The following SLC35A1 variants were observed in gnomAD, a reference collection of about 807,000 sequenced individuals.
SLC35A1 encodes solute carrier family 35 member A1.
A neutral mutation model predicts 40.3 loss-of-function variants in SLC35A1; 21 were observed. That is an observed-to-expected ratio of 0.52 (90% confidence interval 0.37 to 0.75). The LOEUF is 0.75. SLC35A1 is among the 30% of genes least tolerant of loss of function. The pLI is 0.00. For missense variants in SLC35A1, 297 were observed against 382.1 expected (o/e 0.78, Z 1.86); for synonymous variants, 146 against 147.3 (o/e 0.99, Z 0.06).
At chr6:87,486,090 A>G (rs1769381098) in intron 2 of SLC35A1, among the ~76,000 whole-genome samples, 1 of 152,220 alleles carries the variant, frequency 6.6e-6, no homozygotes, top group African/African-American at 2.4e-5. Flanking sequence ...GGAACTGTGC[A>G]AAGCTTAATC....
In SLC35A1 at chr6:87,474,757, A is replaced by G. The variant is rs1376873194; in HGVS notation, c.16+1738A>G. ...CGTTTAAAAACTGGTATTCCATGTC[A>G]AAGCCCAATCTGTTTTGCACATACC... On this transcript the variant is annotated intron_variant, in intron 1 of 7. Coordinates refer to ENST00000369552, the MANE Select transcript of SLC35A1 (RefSeq NM_006416.5). 2.6e-5 allele frequency among the ~76,000 whole-genome samples: 4 copies of G among 152,218 alleles called. No homozygotes were observed. The South Asian group carries it at 8.3e-4, about 32-fold the overall frequency.
chr6:87,509,314 C>G, intron 7 of SLC35A1, 139 bp downstream of exon 7: 1 of 1,085,336 alleles, frequency 9.2e-7, no homozygotes, highest in Admixed American at 1.8e-5. Context: ...TTTATTCCAC[C>G]AGTACAGCTG....
chr6:87,496,693 T>C (rs540621870), intron 2 of SLC35A1, among the ~76,000 whole-genome samples: 1 of 146,982 alleles, frequency 6.8e-6, no homozygotes, highest in Non-Finnish European at 1.5e-5. Flanking sequence ...AGCAGGAGAA[T>C]CACTTGAACC....
At chr6:87,473,054 CGGG>C in intron 1 of SLC35A1, 35 bp downstream of exon 1, 1 of 502,388 alleles carries the variant, frequency 2.0e-6, no homozygotes, top group African/African-American at 2.0e-5. Flanking sequence ...GGGGAGTCCG[CGGG>C]GGGCGGCGGC....
intron 4 of SLC35A1, among the ~76,000 whole-genome samples, chr6:87,503,194 T>C (rs1190804907): frequency 6.6e-6 from 1 of 152,186 alleles, no homozygotes; most frequent in Non-Finnish European, 1.5e-5. Flanking sequence ...TCATCTCTCA[T>C]AGTTTTTATG....
chr6:87,479,500 C>A (rs9450708), intron 2 of SLC35A1, among the ~76,000 whole-genome samples: 2 of 151,988 alleles, frequency 1.3e-5, no homozygotes, highest in Non-Finnish European at 2.9e-5. Flanking sequence ...GTCATTTACC[C>A]CTGAGCTGCT....
intron 2 of SLC35A1, among the ~76,000 whole-genome samples, chr6:87,487,180 G>GA (rs1200570360): frequency 6.6e-6 from 1 of 151,056 alleles, no homozygotes; most frequent in African/African-American, 2.4e-5. Context: ...CGTCTCAAAA[G>GA]AAAAAAAAGA....
intron 7 of SLC35A1, 70 bp from the exon 8 acceptor site, chr6:87,511,329 A>T: frequency 1.9e-6 from 3 of 1,561,822 alleles, no homozygotes; most frequent in Non-Finnish European, 2.6e-6. Flanking sequence ...AGTTTTCAAA[A>T]TTTTAAACTG....
chr6:87,495,280 C>A (rs1001020136), intron 2 of SLC35A1, among the ~76,000 whole-genome samples: 1 of 152,158 alleles, frequency 6.6e-6, no homozygotes, highest in Non-Finnish European at 1.5e-5. Context: ...TTATTGTTTG[C>A]TATTCACCAT....
chr6:87,501,731 G>C (rs1769928532), intron 4 of SLC35A1, among the ~76,000 whole-genome samples: 1 of 152,116 alleles, frequency 6.6e-6, no homozygotes, highest in African/African-American at 2.4e-5. Flanking sequence ...TCTGCATCTA[G>C]TTTTCATCTT....
At chr6:87,505,878 C>T (rs1199493392) in intron 4 of SLC35A1, among the ~76,000 whole-genome samples, 1 of 152,118 alleles carries the variant, frequency 6.6e-6, no homozygotes, top group Admixed American at 6.6e-5. Context: ...GACATTCAAA[C>T]CACAGCAGTG....
intron 2 of SLC35A1, among the ~76,000 whole-genome samples, chr6:87,492,885 G>A (rs1311132951): frequency 6.6e-6 from 1 of 152,040 alleles, no homozygotes; most frequent in Non-Finnish European, 1.5e-5. Context: ...GTGCCTGCTA[G>A]GTTTCTCCAC....
intron 2 of SLC35A1, among the ~76,000 whole-genome samples, chr6:87,489,925 T>G (rs915187294): frequency 3.3e-5 from 5 of 151,496 alleles, no homozygotes; most frequent in African/African-American, 9.7e-5. Context: ...AAAAGAGAAC[T>G]CTATTAAACA....
Position 87,472,987 on chromosome 6 carries a change from G to T in SLC35A1, c.-17G>T, listed in dbSNP as rs745415177. 3.0e-6 allele frequency: 2 copies of T among 662,566 alleles called. No homozygotes were observed. The highest frequency in any genetic ancestry group is 4.6e-6 in the Non-Finnish European group (2 of 431,124). The allele number at this position is 662,566 out of a possible 1,614,324, so 41.0% of individuals were successfully genotyped here. A position where few individuals can be genotyped will look rare whatever the true frequency, so the allele number is the denominator to read the frequency against. ...GAGGGGGCGGGCGTCAGTTCCGCGGGGGGCTGTCGGGGAACCATGGCTGCC... is the reference window on the plus strand; with the variant it reads ...GAGGGGGCGGGCGTCAGTTCCGCGGTGGGCTGTCGGGGAACCATGGCTGCC... On this transcript the variant is annotated 5_prime_UTR_variant, in exon 1 of 8. Coordinates refer to ENST00000369552, the MANE Select transcript of SLC35A1 (RefSeq NM_006416.5).
chr6:87,501,804 G>A (rs977706292), intron 4 of SLC35A1, among the ~76,000 whole-genome samples: 1 of 152,196 alleles, frequency 6.6e-6, no homozygotes, highest in African/African-American at 2.4e-5. Context: ...GACAAGGGAA[G>A]GAGTGTTCTT....
intron 2 of SLC35A1, among the ~76,000 whole-genome samples, chr6:87,484,413 C>G (rs1233154155): frequency 6.6e-6 from 1 of 152,164 alleles, no homozygotes; most frequent in Non-Finnish European, 1.5e-5. Context: ...GAAGGGTACA[C>G]CCTCACAGTT....
rs775321808 is a variant in SLC35A1, at chr6:87,506,337, CTG to C, written c.508-43_508-42del. 9.6e-6 allele frequency: 14 copies of C among 1,458,924 alleles called. No homozygotes were observed. The East Asian group carries it at 2.5e-4, about 26-fold the overall frequency. The allele number at this position is 1,458,924 out of a possible 1,614,324, so 90.4% of individuals were successfully genotyped here. On this transcript the variant is annotated intron_variant, in intron 4 of 7. Coordinates refer to ENST00000369552, the MANE Select transcript of SLC35A1 (RefSeq NM_006416.5). ...ATTTGTTTGGACTCTTGGATGAACT[CTG>C]TTTATTAGTCACTAAAAATAACTTT...
At position 87,473,009 on chromosome 6, in the gene SLC35A1, T is replaced by C; in HGVS notation, c.6T>C (p.Ala2=). 1.5e-6 allele frequency: 1 copy of C among 686,706 alleles called. No individual in the cohort carries two copies. The allele number at this position is 686,706 out of a possible 1,614,324, so 42.5% of individuals were successfully genotyped here. A position where few individuals can be genotyped will look rare whatever the true frequency, so the allele number is the denominator to read the frequency against. M[A]APRDNVTLLF... is the part of the protein sequence containing the mutation. Reference sequence around the variant, plus strand: ...CGGGGGGCTGTCGGGGAACCATGGCTGCCCCGAGAGGTGAGAACTGGGTCT... The same window carrying C: ...CGGGGGGCTGTCGGGGAACCATGGCCGCCCCGAGAGGTGAGAACTGGGTCT... Residue 2 remains alanine (A), a synonymous_variant, in exon 1 of 8, where the codon GCT becomes GCC. Coordinates refer to ENST00000369552, the MANE Select transcript of SLC35A1 (RefSeq NM_006416.5).
rs115293411 is a variant in SLC35A1 at position 87,506,181 on chromosome 6, A to G, written c.508-201A>G. On this transcript the variant is annotated intron_variant, in intron 4 of 7. Coordinates refer to ENST00000369552, the MANE Select transcript of SLC35A1 (RefSeq NM_006416.5). Reference sequence around the variant, plus strand: ...ACTATGGCTGTGATTTGAGGGACACATTTTTCACTTAAGCCAAGTGCCCTG... The same window carrying G: ...ACTATGGCTGTGATTTGAGGGACACGTTTTTCACTTAAGCCAAGTGCCCTG... 5.0e-3 allele frequency among the ~76,000 whole-genome samples: 763 copies of G among 152,206 alleles called. 10 individuals are homozygous for G. Among genetic ancestry groups the G allele is most frequent in the African/African-American group, 0.018 (737 of 41,512 alleles).
Sources: allele counts gnomAD v4.1 joint callset (sites outside exome capture counted in the v4.1 genomes callset), GRCh38; gene constraint gnomAD v4.1.1; transcripts MANE v1.5; gene names NCBI Gene and HGNC (gene_info 2026-07-23, HGNC 2026-07-21).